EP300: variants seen among roughly 807,000 people sequenced by gnomAD.
The protein encoded by EP300 is EP300 lysine acetyltransferase.
EP300 carries 31 observed loss-of-function variants against 264.0 expected under a neutral mutation model. The observed-to-expected ratio is 0.12, with a 90% confidence interval of 0.09 to 0.16. The LOEUF is 0.16. Ranked by LOEUF, EP300 falls within the 10% of genes least tolerant of loss-of-function variation. The pLI is 1.00. For synonymous variants in EP300, 1,340 were observed against 1,045.4 expected, an observed-to-expected ratio of 1.28 and a Z score of -5.44; for missense variants, 2,766 against 3,052.9, an observed-to-expected ratio of 0.91 and a Z score of 2.21.
intron 1 of EP300, among the ~76,000 whole-genome samples, chr22:41,097,736 G>C (rs975607699): frequency 4.6e-5 from 7 of 152,026 alleles, no homozygotes; most frequent in Admixed American, 3.9e-4. Context: ...TTTTAAGTGA[G>C]GCAAGCAGTA....
At chr22:41,137,528 T>G in intron 7 of EP300, 125 bp from the exon 8 acceptor site, 1 of 1,273,078 alleles carries the variant, frequency 7.9e-7, no homozygotes, top group Non-Finnish European at 1.1e-6. Context: ...CCTGCCTAGC[T>G]CCTTAATGCG....
At chr22:41,129,050 G>A (rs1025165518) in intron 4 of EP300, among the ~76,000 whole-genome samples, 12 of 150,820 alleles carry the variant, frequency 8.0e-5, no homozygotes, top group South Asian at 2.1e-4. Flanking sequence ...TCGCTCTGTC[G>A]CCCAGGCTGG....
chr22:41,174,001 T>TC (rs1384066532), intron 29 of EP300, among the ~76,000 whole-genome samples: 1 of 152,020 alleles, frequency 6.6e-6, no homozygotes, highest in Non-Finnish European at 1.5e-5. Flanking sequence ...TCCCAGCTAC[T>TC]CAGGAGGCTG....
At position 41,180,064 on chromosome 22, in the gene EP300, G is replaced by C. The variant is rs1181652478; in HGVS notation, c.*1108G>C. ...CTTATTACCTATTGTTAAATAAACTGTGTGAGACAGACACCCTGACTTTGT... is the reference window on the plus strand; with the variant it reads ...CTTATTACCTATTGTTAAATAAACTCTGTGAGACAGACACCCTGACTTTGT... On this transcript the variant is annotated 3_prime_UTR_variant, in exon 31 of 31. Transcript: ENST00000263253. 4.4e-6 allele frequency: 1 copy of C among 229,322 alleles called. No homozygotes were observed. Among genetic ancestry groups the C allele is most frequent in the Non-Finnish European group, 8.7e-6 (1 of 115,468 alleles). 14.2% of individuals were successfully genotyped at this position (229,322 alleles called of 1,614,324 possible).
At chr22:41,147,010 A>T (rs1276214836) in intron 11 of EP300, among the ~76,000 whole-genome samples, 194 bp downstream of exon 11, 1 of 152,078 alleles carries the variant, frequency 6.6e-6, no homozygotes, top group Admixed American at 6.6e-5. Flanking sequence ...GTATCCATTA[A>T]AAAACAACTG....
In EP300 at chr22:41,177,943, C is replaced by A; in HGVS notation, c.6232C>A (p.Pro2078Thr). 6.2e-7 allele frequency: 1 copy of A among 1,614,178 alleles called. No individual in the cohort carries two copies. Among genetic ancestry groups the A allele is most frequent in the Non-Finnish European group, 8.5e-7 (1 of 1,180,022 alleles). ...GGTGCTTAGTATCCTTCACGCCAAC[C>A]CCCAGCTGTTGGCTGCATTCATCAA... Reference protein sequence around the residue: ...QQVLSILHANPQLLAAFIKQR... With the variant: ...QQVLSILHANTQLLAAFIKQR... The change falls in exon 31 of 31, where the codon CCC (proline) becomes ACC (threonine). Residue 2078 changes from proline (P) to threonine (T), a missense_variant. Pro to Thr is a conservative substitution (Grantham distance 38). Coordinates refer to ENST00000263253, the MANE Select transcript of EP300 (RefSeq NM_001429.4).
In EP300 at chr22:41,151,987, A is replaced by T; in HGVS notation, c.2972A>T (p.Asp991Val). ...KMEVDQPEPA[D>V]TQPEDISESK... ...GAAGTGGATCAACCAGAACCAGCAG[A>T]TACTCAGCCGGAGGATATTTCAGAG... is the stretch of plus-strand genomic sequence containing the variant. The change falls in exon 15 of 31, where the codon GAT becomes GTT. Residue 991 changes from aspartate to valine, a missense_variant. Asp to Val is a radical substitution (Grantham distance 152, BLOSUM62 -3). Transcript: ENST00000263253. 6.2e-7 allele frequency: 1 copy of T among 1,614,182 alleles called. No homozygotes were observed. The highest frequency in any genetic ancestry group is 8.5e-7 in the Non-Finnish European group (1 of 1,180,038).
At position 41,166,735 on chromosome 22, in the gene EP300, G is replaced by C. The variant is rs182706606; in HGVS notation, c.3874+69G>C. The C allele has an allele frequency of 1.9e-3, 1,968 of 1,055,486 alleles. 12 individuals are homozygous for C. The highest frequency in any genetic ancestry group is 0.017 in the Middle Eastern group (81 of 4,650). The allele number at this position is 1,055,486 out of a possible 1,614,324, so 65.4% of individuals were successfully genotyped here. On this transcript the variant is annotated intron_variant, in intron 23 of 30. Transcript: ENST00000263253. ...AAGCCTAGATAAGAAACCATCCAAA[G>C]TGAATTACTTTGTTTTTAATCACAG...
At chr22:41,147,767 T>G in intron 11 of EP300, 70 bp from the exon 12 acceptor site, 2 of 1,083,680 alleles carry the variant, frequency 1.8e-6, no homozygotes, top group Non-Finnish European at 2.8e-6. Flanking sequence ...GAATCAGACA[T>G]AAGAATTCTA....
chr22:41,133,028 G>T (rs1601608228), intron 6 of EP300, among the ~76,000 whole-genome samples: 1 of 152,246 alleles, frequency 6.6e-6, no homozygotes, highest in East Asian at 1.9e-4. Flanking sequence ...TAGACATCCA[G>T]CATTGTAGAG....
At chr22:41,103,914 G>A (rs2058744681) in intron 1 of EP300, among the ~76,000 whole-genome samples, 1 of 152,020 alleles carries the variant, frequency 6.6e-6, no homozygotes, top group Non-Finnish European at 1.5e-5. Flanking sequence ...ATTTGCCTTG[G>A]AAGTTTTTGG....
chr22:41,102,812 C>T (rs906412414), intron 1 of EP300, among the ~76,000 whole-genome samples: 19 of 152,060 alleles, frequency 1.2e-4, no homozygotes, highest in Non-Finnish European at 1.5e-5. Flanking sequence ...AAGGATAATT[C>T]CCCAGTTTAA....
intron 7 of EP300, 130 bp from the exon 8 acceptor site, chr22:41,137,523 C>G (rs973174288): frequency 9.0e-6 from 11 of 1,221,806 alleles, no homozygotes; most frequent in Admixed American, 1.9e-5. Context: ...TTCTCCCTGC[C>G]TAGCTCCTTA....
At chr22:41,144,604 A>T (rs1267068882) in intron 10 of EP300, among the ~76,000 whole-genome samples, 1 of 151,150 alleles carries the variant, frequency 6.6e-6, no homozygotes, top group African/African-American at 2.4e-5. Flanking sequence ...ATATCCACCC[A>T]CCTCGGCCTC....
intron 8 of EP300, among the ~76,000 whole-genome samples, chr22:41,139,380 CTTTTA>C (rs966912847): frequency 2.0e-5 from 3 of 152,194 alleles, no homozygotes; most frequent in African/African-American, 2.4e-5. Flanking sequence ...TATTCAGGAA[CTTTTA>C]TTTAATGGAC....
At chr22:41,149,214 C>T (rs368565094) in intron 13 of EP300, 39 bp downstream of exon 13, 1 of 1,612,322 alleles carries the variant, frequency 6.2e-7, no homozygotes. Flanking sequence ...ATTTTTGATT[C>T]TTGAAACTTC....
chr22:41,099,520 T>C (rs1215774066), intron 1 of EP300, among the ~76,000 whole-genome samples: 1 of 152,224 alleles, frequency 6.6e-6, no homozygotes, highest in Non-Finnish European at 1.5e-5. Context: ...TCACTTGTCA[T>C]GCACTGTGGC....
At chr22:41,175,644 G>A (rs1334085716) in intron 29 of EP300, among the ~76,000 whole-genome samples, 2 of 152,154 alleles carry the variant, frequency 1.3e-5, no homozygotes, top group Non-Finnish European at 2.9e-5. Context: ...TTTTCATACT[G>A]TCTCCATATT....
chr22:41,150,113 A>G lies in EP300; in HGVS notation c.2732A>G (p.Gln911Arg), dbSNP rs769157336. The change falls in exon 14 of 31, where the codon CAG (glutamine) becomes CGG (arginine). Residue 911 changes from glutamine to arginine, a missense_variant. Transcript: ENST00000263253. The stretch of plus-strand genomic sequence containing the variant: ...GCTGCACCTTCTGCTGACCAGCCCC[A>G]GCAGCAGCCTCGCTCACAGCAGAGC... ...LPAAPSADQP[Q>R]QQPRSQQSTA... is the part of the protein sequence containing the mutation. 3 of 1,613,238 alleles carry G rather than the reference A, an allele frequency of 1.9e-6. No homozygotes were observed. Among genetic ancestry groups the G allele is most frequent in the Non-Finnish European group, 2.5e-6 (3 of 1,180,024 alleles).
Sources: allele counts gnomAD v4.1 joint callset (sites outside exome capture counted in the v4.1 genomes callset), GRCh38; gene constraint gnomAD v4.1.1; transcripts MANE v1.5; gene names NCBI Gene and HGNC (gene_info 2026-07-23, HGNC 2026-07-21).